ZNF92: variants seen among roughly 807,000 people sequenced by gnomAD.
ZNF92 encodes the protein zinc finger protein 92.
In ZNF92, 11 loss-of-function variants were observed where a neutral mutation model predicts 12.4. The observed-to-expected ratio is 0.89, with a 90% confidence interval of 0.56 to 1.47. The LOEUF is 1.47. Ranked by LOEUF, ZNF92 falls within the 40% of genes most tolerant of loss-of-function variation. The pLI, the probability that ZNF92 is intolerant of heterozygous loss-of-function variation, is 0.00. For missense variants in ZNF92, 622 were observed against 681.0 expected, an observed-to-expected ratio of 0.91 and a Z score of 0.96; for synonymous variants, 206 against 228.6, an observed-to-expected ratio of 0.90 and a Z score of 0.89.
Position 65,399,218 on chromosome 7 carries a change from C to A in ZNF92, c.1104C>A (p.Pro368=). The change falls in exon 4 of 4, where the codon CCC becomes CCA. Residue 368 remains proline, a synonymous_variant. Transcript: ENST00000328747. ...AGATAATTCATACTGGAGAGAAACC[C>A]TACAAATGTGATGAATGTGGCAAAG... The part of the protein sequence containing the change: ...KHKIIHTGEK[P]YKCDECGKAF... 6.2e-7 allele frequency: 1 copy of A among 1,612,920 alleles called. No individual in the cohort carries two copies. The highest frequency in any genetic ancestry group is 1.7e-5 in the Admixed American group (1 of 59,936).
chr7:65,386,813 T>G (rs1793578051), intron 1 of ZNF92, among the ~76,000 whole-genome samples: 1 of 152,114 alleles, frequency 6.6e-6, no homozygotes, highest in Non-Finnish European at 1.5e-5. Flanking sequence ...CATCAGCACA[T>G]TATAAAAATT....
intron 2 of ZNF92, 129 bp downstream of exon 2, chr7:65,388,157 A>G (rs761836588): frequency 1.9e-5 from 20 of 1,026,584 alleles, no homozygotes; most frequent in Non-Finnish European, 2.7e-5. Flanking sequence ...GAAAACAGAG[A>G]TTTGTCAGTA....
At position 65,399,240 on chromosome 7, in the gene ZNF92, A is replaced by C. The variant is rs1354957091; in HGVS notation, c.1126A>C (p.Lys376Gln). 1 of 1,613,376 alleles carries C rather than the reference A, an allele frequency of 6.2e-7. No homozygotes were observed. The highest frequency in any genetic ancestry group is 8.5e-7 in the Non-Finnish European group (1 of 1,179,736). ...ACCCTACAAATGTGATGAATGTGGC[A>C]AAGCCTTTAACCAGTCCTCAACCCT... ...EKPYKCDECG[K>Q]AFNQSSTLTK... The change falls in exon 4 of 4, where the codon AAA becomes CAA. Residue 376 changes from lysine (K) to glutamine (Q), a missense_variant. Transcript: ENST00000328747.
rs77551222 is a variant in ZNF92, at chr7:65,388,140, T to C, written c.130+112T>C. 2.0e-3 allele frequency: 2,420 copies of C among 1,228,198 alleles called. 36 individuals carry two copies. In the African/African-American group the frequency reaches 0.035, roughly 18 times the overall value. 76.1% of individuals were successfully genotyped at this position (1,228,198 alleles called of 1,614,324 possible). On this transcript the variant is annotated intron_variant, in intron 2 of 3. Coordinates refer to ENST00000328747, the MANE Select transcript of ZNF92 (RefSeq NM_152626.4). Reference sequence around the variant, plus strand: ...TGCATAAATGAGTTTCAGATCCCAGTTTTCAAGAAAACAGAGATTTGTCAG... The same window carrying C: ...TGCATAAATGAGTTTCAGATCCCAGCTTTCAAGAAAACAGAGATTTGTCAG...
At position 65,400,250 on chromosome 7, in the gene ZNF92, A is replaced by G. The variant is rs183502444; in HGVS notation, c.*375A>G. 624 of 163,464 alleles carry G rather than the reference A, an allele frequency of 3.8e-3. 4 individuals are homozygous for G. The highest frequency in any genetic ancestry group is 9.7e-3 in the Middle Eastern group (3 of 310). 10.1% of individuals were successfully genotyped at this position (163,464 alleles called of 1,614,324 possible). ...AGTATTCTTAAGATGAACATTACAA[A>G]TAGAAAGAGGGTTGTAGTACCTTTA... On this transcript the variant is annotated 3_prime_UTR_variant, in exon 4 of 4. Transcript: ENST00000328747.
Position 65,400,725 on chromosome 7 carries a change from T to A in ZNF92, c.*850T>A, listed in dbSNP as rs530693855. The A allele has an allele frequency of 6.6e-5, 10 of 152,118 alleles. No individual in the cohort carries two copies. The highest frequency in any genetic ancestry group is 2.4e-4 in the African/African-American group (10 of 41,542). 9.4% of individuals were successfully genotyped at this position (152,118 alleles called of 1,614,324 possible). On this transcript the variant is annotated 3_prime_UTR_variant, in exon 4 of 4. Transcript: ENST00000328747. ...TTTTTCTTGAAAAAAATTACAGATTTTTTGAAAAGCAATTGATGTAATTTA... is the reference window on the plus strand; with the variant it reads ...TTTTTCTTGAAAAAAATTACAGATTATTTGAAAAGCAATTGATGTAATTTA...
chr7:65,389,615 C>T (rs998865255), intron 3 of ZNF92, among the ~76,000 whole-genome samples: 4 of 151,972 alleles, frequency 2.6e-5, no homozygotes, highest in African/African-American at 4.8e-5. Context: ...CTCCTGGGTT[C>T]GAGCAATTCT....
chr7:65,382,209 G>A (rs1793439478), intron 1 of ZNF92, among the ~76,000 whole-genome samples: 2 of 151,900 alleles, frequency 1.3e-5, no homozygotes, highest in South Asian at 2.1e-4. Flanking sequence ...TATTGTGACC[G>A]TCTTTCTGTC....
At chr7:65,380,981 A>G (rs111570859) in intron 1 of ZNF92, among the ~76,000 whole-genome samples, 74 of 151,788 alleles carry the variant, frequency 4.9e-4, no homozygotes, top group African/African-American at 1.7e-3. Flanking sequence ...CACTTTTTTA[A>G]TATGCTTGTT....
rs935068826 is a variant in ZNF92 at position 65,391,242 on chromosome 7, C to T, written c.226+2341C>T. Among the ~76,000 whole-genome samples, 17 of 152,084 alleles carry T rather than the reference C, an allele frequency of 1.1e-4. 1 individual carries two copies. The highest frequency in any genetic ancestry group is 1.1e-3 in the Admixed American group (17 of 15,262). ...TTCATTACAGGTGTGAGCCATGATG[C>T]CTGGCTCTCTCAAAAGGCCTTTTTA... On this transcript the variant is annotated intron_variant, in intron 3 of 3. Transcript: ENST00000328747.
In ZNF92 at chr7:65,400,885, G is replaced by GT. The variant is rs1415286219; in HGVS notation, c.*1011dup. ...TATTTATGCCCCTTTCTGTGGAAGAGTAAGAAAATTAAAATACAAGATGCA... is the reference window on the plus strand; with the variant it reads ...TATTTATGCCCCTTTCTGTGGAAGAGTTAAGAAAATTAAAATACAAGATGCA... On this transcript the variant is annotated 3_prime_UTR_variant, in exon 4 of 4. Transcript: ENST00000328747. The GT allele has an allele frequency of 4.6e-5, 7 of 151,932 alleles. No homozygotes were observed. Among genetic ancestry groups the GT allele is most frequent in the Non-Finnish European group, 1.0e-4 (7 of 67,902 alleles). The allele number at this position is 151,932 out of a possible 1,614,324, so 9.4% of individuals were successfully genotyped here. A position where few individuals can be genotyped will look rare whatever the true frequency, so the allele number is the denominator to read the frequency against.
chr7:65,390,723 C>T (rs1037899162), intron 3 of ZNF92, among the ~76,000 whole-genome samples: 1 of 152,098 alleles, frequency 6.6e-6, no homozygotes, highest in East Asian at 1.9e-4. Context: ...AGAGGATTTC[C>T]CCAGGCCACT....
At chr7:65,382,759 CACTT>C (rs1191171329) in intron 1 of ZNF92, among the ~76,000 whole-genome samples, 1 of 152,104 alleles carries the variant, frequency 6.6e-6, no homozygotes, top group Non-Finnish European at 1.5e-5. Context: ...GTGCAGGTAA[CACTT>C]ACTGCTATTC....
intron 3 of ZNF92, among the ~76,000 whole-genome samples, chr7:65,396,750 AG>A (rs1793856563): frequency 6.6e-6 from 1 of 152,048 alleles, no homozygotes; most frequent in Non-Finnish European, 1.5e-5. Context: ...CCTGGTCTCA[AG>A]TGATTGATTG....
intron 3 of ZNF92, among the ~76,000 whole-genome samples, chr7:65,391,947 T>C (rs1793727155): frequency 6.6e-6 from 1 of 152,096 alleles, no homozygotes; most frequent in Admixed American, 6.5e-5. Context: ...GCAAACCAGG[T>C]TTTATGAGTA....
At chr7:65,389,737 G>T (rs1401857307) in intron 3 of ZNF92, among the ~76,000 whole-genome samples, 10 of 151,222 alleles carry the variant, frequency 6.6e-5, no homozygotes, top group Non-Finnish European at 2.9e-5. Flanking sequence ...GGATGGTCTT[G>T]ATCTCTTGAC....
At chr7:65,395,634 C>G (rs1431191229) in intron 3 of ZNF92, among the ~76,000 whole-genome samples, 1 of 152,064 alleles carries the variant, frequency 6.6e-6, no homozygotes, top group Non-Finnish European at 1.5e-5. Context: ...AAAAAGTTTA[C>G]ACTCCATCAA....
chr7:65,399,108 A>G lies in ZNF92; in HGVS notation c.994A>G (p.Lys332Glu). The change falls in exon 4 of 4, where the codon AAG (lysine) becomes GAG (glutamate). Residue 332 changes from lysine to glutamate, a missense_variant. By Grantham distance (56) the Lys-to-Glu change is moderately conservative. Transcript: ENST00000328747. ...AGTATTCTCAATTCTTAAAAAACAT[A>G]AGATAATCCATACTGGGGAAAAACC... ...FRVFSILKKH[K>E]IIHTGEKPYK... 1 of 1,612,932 alleles carries G rather than the reference A, an allele frequency of 6.2e-7. No homozygotes were observed. Among genetic ancestry groups the G allele is most frequent in the Non-Finnish European group, 8.5e-7 (1 of 1,179,420 alleles).
At chr7:65,397,682 G>A (rs1215241112) in intron 3 of ZNF92, among the ~76,000 whole-genome samples, 1 of 151,826 alleles carries the variant, frequency 6.6e-6, no homozygotes, top group Non-Finnish European at 1.5e-5. Context: ...GAGATTCCGG[G>A]AGTCTCTCAA....
Sources: allele counts gnomAD v4.1 joint callset (sites outside exome capture counted in the v4.1 genomes callset), GRCh38; gene constraint gnomAD v4.1.1; transcripts MANE v1.5; gene names NCBI Gene and HGNC (gene_info 2026-07-23, HGNC 2026-07-21).